The following PRPF6 variants were observed in gnomAD, a reference collection of about 807,000 sequenced individuals.
PRPF6 encodes the protein pre-mRNA processing factor 6, also known as pre-mRNA-processing factor 6.
A neutral mutation model predicts 118.3 loss-of-function variants in PRPF6; 42 were observed. The observed-to-expected ratio is 0.35, with a 90% CI of 0.28 to 0.46. The LOEUF (loss-of-function observed/expected upper bound fraction) is 0.46, where lower values mean the gene tolerates loss of function less well. Ranked by LOEUF, PRPF6 falls within the 20% of genes least tolerant of loss-of-function variation. The pLI is 1.00. For missense variants in PRPF6, 662 were observed against 1,255.7 expected, an observed-to-expected ratio of 0.53 and a Z score of 7.15; for synonymous variants, 481 against 485.1, an observed-to-expected ratio of 0.99 and a Z score of 0.11.
At position 64,032,289 on chromosome 20, in the gene PRPF6, T is replaced by C. The variant is rs544419720; in HGVS notation, c.2673+245T>C. ...CCTGGAATTGAGGCACCCTGTCCGTTAGGGTGGCCTGTCTGCTGGAGTATT... is the reference window on the plus strand; with the variant it reads ...CCTGGAATTGAGGCACCCTGTCCGTCAGGGTGGCCTGTCTGCTGGAGTATT... On this transcript the variant is annotated intron_variant, in intron 20 of 20. Coordinates refer to ENST00000266079, the MANE Select transcript of PRPF6 (RefSeq NM_012469.4). Among the ~76,000 whole-genome samples, 3 of 152,350 alleles carry C rather than the reference T, an allele frequency of 2.0e-5. No homozygotes were observed. The South Asian group carries it at 6.2e-4, about 32-fold the overall frequency.
chr20:64,019,973 G>A (rs2059255496), intron 12 of PRPF6, among the ~76,000 whole-genome samples: 1 of 152,190 alleles, frequency 6.6e-6, no homozygotes, highest in Admixed American at 6.5e-5. Flanking sequence ...ACTGTTCTTG[G>A]GTGCCCCTGT....
rs935977643 is a variant in PRPF6 at position 64,029,272 on chromosome 20, C to G, written c.2432-105C>G. The stretch of plus-strand genomic sequence containing the variant: ...TTCTGCGAGCCGTGTGTGGGAGGCC[C>G]CTGTCGTGGTCTGAGGACGTCCCGG... On this transcript the variant is annotated intron_variant, in intron 18 of 20. Transcript: ENST00000266079. This position sits in a 1 kb window ranked among gnomAD's most constrained non-coding sequence, Gnocchi z 4.8. 5.2e-6 allele frequency: 5 copies of G among 959,718 alleles called. No individual in the cohort carries two copies. The African/African-American group carries it at 8.0e-5, about 15-fold the overall frequency. 59.5% of individuals were successfully genotyped at this position (959,718 alleles called of 1,614,324 possible).
intron 9 of PRPF6, among the ~76,000 whole-genome samples, chr20:64,008,830 C>T (rs531893092): frequency 9.9e-5 from 15 of 152,260 alleles, no homozygotes; most frequent in African/African-American, 3.6e-4. Flanking sequence ...CTATTGAATG[C>T]TGTGGTATTT....
chr20:64,018,104 G>A (rs1200437821), intron 12 of PRPF6, among the ~76,000 whole-genome samples: 1 of 152,208 alleles, frequency 6.6e-6, no homozygotes, highest in Non-Finnish European at 1.5e-5. Context: ...GCTGAGGTGG[G>A]AGGATCACTT....
intron 12 of PRPF6, among the ~76,000 whole-genome samples, chr20:64,022,242 T>C (rs531605620): frequency 6.6e-6 from 1 of 152,376 alleles, no homozygotes; most frequent in South Asian, 2.1e-4. Context: ...CTTGTAATGC[T>C]GGAGTAAGAA....
At chr20:63,982,178 A>G (rs760727782) in intron 1 of PRPF6, among the ~76,000 whole-genome samples, 3 of 151,818 alleles carry the variant, frequency 2.0e-5, no homozygotes, top group Non-Finnish European at 2.9e-5. Flanking sequence ...TATTATTATT[A>G]TTATTATTTT....
chr20:63,993,260 G>GTA (rs1555916919), intron 3 of PRPF6, 147 bp from the exon 4 acceptor site: 66 of 389,690 alleles, frequency 1.7e-4, no homozygotes, highest in African/African-American at 5.5e-4. Flanking sequence ...GTGTGTGTGT[G>GTA]TGTATATGTA....
At chr20:64,010,129 A>G in intron 9 of PRPF6, 71 bp from the exon 10 acceptor site, 1 of 1,309,706 alleles carries the variant, frequency 7.6e-7, no homozygotes, top group African/African-American at 1.5e-5. Flanking sequence ...GACCAGCAGC[A>G]TGCTCACCAC....
intron 19 of PRPF6, among the ~76,000 whole-genome samples, chr20:64,030,774 G>A (rs78620029): frequency 0.013 from 1,963 of 152,286 alleles, 55 homozygotes; most frequent in African/African-American, 0.045. Flanking sequence ...ATCTAACACC[G>A]GGCAATTAAG....
At chr20:63,984,789 G>A in intron 2 of PRPF6, 118 bp from the exon 3 acceptor site, 1 of 744,786 alleles carries the variant, frequency 1.3e-6, no homozygotes, top group South Asian at 1.5e-5. Flanking sequence ...CCTTGATTTG[G>A]CTTCGTTGGC....
At chr20:63,994,435 G>A (rs543539296) in intron 4 of PRPF6, among the ~76,000 whole-genome samples, 18 of 152,320 alleles carry the variant, frequency 1.2e-4, no homozygotes, top group Middle Eastern at 3.4e-3. Flanking sequence ...GGGATTAACA[G>A]GCATGAGCCA....
rs1416964799 is a variant in PRPF6, at chr20:64,028,730, G to A, written c.2431+161G>A. On this transcript the variant is annotated intron_variant, in intron 18 of 20. Coordinates refer to ENST00000266079, the MANE Select transcript of PRPF6 (RefSeq NM_012469.4). The surrounding 1 kb of genome is among the most constrained non-coding windows in gnomAD (Gnocchi z 6.5). ...CTTCAGACGGACTTTATTAAAATGT[G>A]TAGTTTGTGTGAATCATTTCAGTCA... 3.9e-5 allele frequency among the ~76,000 whole-genome samples: 6 copies of A among 152,202 alleles called. No individual in the cohort carries two copies. The highest frequency in any genetic ancestry group is 9.6e-5 in the African/African-American group (4 of 41,468).
At chr20:63,989,353 C>G (rs746867557) in intron 3 of PRPF6, among the ~76,000 whole-genome samples, 1 of 152,004 alleles carries the variant, frequency 6.6e-6, no homozygotes, top group Non-Finnish European at 1.5e-5. Context: ...GCACAGGCAA[C>G]GAACGGAAGC....
chr20:64,018,732 A>G (rs1479788748), intron 12 of PRPF6, among the ~76,000 whole-genome samples: 1 of 152,008 alleles, frequency 6.6e-6, no homozygotes, highest in African/African-American at 2.4e-5. Flanking sequence ...CAAAGTATGT[A>G]GGATTACAGG....
At chr20:63,994,076 T>A (rs547182555) in intron 4 of PRPF6, among the ~76,000 whole-genome samples, 3 of 151,796 alleles carry the variant, frequency 2.0e-5, no homozygotes. Flanking sequence ...TTTTCTAAAC[T>A]GTGTCCCCTG....
At position 64,024,132 on chromosome 20, in the gene PRPF6, TATAAG is replaced by T. The variant is rs371177810; in HGVS notation, c.1770-418_1770-414del. ...TAGTGACCTGAAATCACTTTCTTCCTATAAGATAATTCTTTTGGATGCCGGGAGAG... is the reference window on the plus strand; with the variant it reads ...TAGTGACCTGAAATCACTTTCTTCCTATAATTCTTTTGGATGCCGGGAGAG... On this transcript the variant is annotated intron_variant, in intron 13 of 20. Coordinates refer to ENST00000266079, the MANE Select transcript of PRPF6 (RefSeq NM_012469.4). Among the ~76,000 whole-genome samples the T allele has an allele frequency of 5.5e-3, 833 of 152,304 alleles. 4 individuals are homozygous for T. The highest frequency in any genetic ancestry group is 0.019 in the African/African-American group (775 of 41,564).
intron 14 of PRPF6, among the ~76,000 whole-genome samples, chr20:64,025,300 C>T (rs947179815): frequency 1.3e-5 from 2 of 152,152 alleles, no homozygotes; most frequent in Non-Finnish European, 2.9e-5. Context: ...TCCACCTGCC[C>T]GCTCTCTGCC....
chr20:64,029,264 G>T lies in PRPF6; in HGVS notation c.2432-113G>T. On this transcript the variant is annotated intron_variant, in intron 18 of 20. Transcript: ENST00000266079. The surrounding 1 kb of genome is among the most constrained non-coding windows in gnomAD (Gnocchi z 4.8). ...TGCACAAGTTCTGCGAGCCGTGTGT[G>T]GGAGGCCCCTGTCGTGGTCTGAGGA... The T allele has an allele frequency of 1.1e-6, 1 of 887,232 alleles. No individual in the cohort carries two copies. The highest frequency in any genetic ancestry group is 1.6e-5 in the African/African-American group (1 of 61,304). 55.0% of individuals were successfully genotyped at this position (887,232 alleles called of 1,614,324 possible). A position where few individuals can be genotyped will look rare whatever the true frequency, so the allele number is the denominator to read the frequency against.
rs1458193426 is a variant in PRPF6 at position 63,999,693 on chromosome 20, A to G, written c.957A>G (p.Glu319=). ...PPAWIASARL[E]EVTGKLQVAR... is the part of the protein sequence containing the mutation. ...CCTGGATTGCATCAGCCCGCCTGGA[A>G]GAAGTCACTGGGAAGCTACAAGTAG... The change falls in exon 8 of 21, where the codon GAA becomes GAG. Residue 319 remains glutamate, a synonymous_variant. Coordinates refer to ENST00000266079, the MANE Select transcript of PRPF6 (RefSeq NM_012469.4). 6 of 1,614,220 alleles carry G rather than the reference A, an allele frequency of 3.7e-6. No homozygotes were observed. The South Asian group carries it at 6.6e-5, about 18-fold the overall frequency.
Sources: allele counts gnomAD v4.1 joint callset (sites outside exome capture counted in the v4.1 genomes callset), GRCh38; gene constraint gnomAD v4.1.1; non-coding constraint Gnocchi (gnomAD v3.1); transcripts MANE v1.5; gene names NCBI Gene and HGNC (gene_info 2026-07-23, HGNC 2026-07-21).